CDH12: variants seen among roughly 807,000 people sequenced by gnomAD.
The protein encoded by CDH12 is cadherin-12.
In CDH12, 41 loss-of-function variants were observed where a neutral mutation model predicts 74.1. That is an observed-to-expected ratio of 0.55 (90% CI 0.43 to 0.72). CDH12 has a LOEUF of 0.72. Ranked by LOEUF, CDH12 falls within the 30% of genes least tolerant of loss-of-function variation. The pLI is 0.00. For missense variants in CDH12, 945 were observed against 977.2 expected (o/e 0.97, Z 0.44); for synonymous variants, 399 against 355.0 (o/e 1.12, Z -1.39).
chr5:22,485,539 A>C (rs1746557692), intron 2 of CDH12, among the ~76,000 whole-genome samples: 1 of 152,216 alleles, frequency 6.6e-6, no homozygotes, highest in Non-Finnish European at 1.5e-5. Context: ...TCCCCTGGCC[A>C]ACATAAAGTT....
chr5:22,833,749 A>G (rs1476823467), intron 1 of CDH12, among the ~76,000 whole-genome samples: 1 of 152,234 alleles, frequency 6.6e-6, no homozygotes, highest in African/African-American at 2.4e-5. Flanking sequence ...AATGTATAAT[A>G]TTGTAACAGT....
intron 8 of CDH12, among the ~76,000 whole-genome samples, chr5:21,832,394 G>A (rs1267821575): frequency 2.0e-5 from 3 of 151,940 alleles, no homozygotes; most frequent in South Asian, 2.1e-4. Context: ...AGCCTATATA[G>A]AGCCTAGTAA....
At chr5:21,833,447 AT>A (rs1489255809) in intron 8 of CDH12, among the ~76,000 whole-genome samples, 1 of 93,360 alleles carries the variant, frequency 1.1e-5, no homozygotes, top group Non-Finnish European at 2.0e-5. Flanking sequence ...TACATATATT[AT>A]TAATATATGA....
chr5:22,237,170 C>T (rs763621822), intron 3 of CDH12, among the ~76,000 whole-genome samples: 4 of 152,080 alleles, frequency 2.6e-5, no homozygotes, highest in South Asian at 2.1e-4. Flanking sequence ...CATGTGCACA[C>T]TACAACATTC....
At chr5:22,196,250 T>C (rs2150350692) in intron 4 of CDH12, among the ~76,000 whole-genome samples, 1 of 151,784 alleles carries the variant, frequency 6.6e-6, no homozygotes, top group Middle Eastern at 3.4e-3. Flanking sequence ...GTTTAGGCGA[T>C]TCTCTTGCCT....
rs113645219 is a variant in CDH12, at chr5:22,756,548, C to A, written c.-523+96510G>T. ...TTTTGTTATCCAAATCACAATTTACCCTCATTATCAAATTTCTAACTCTAA... is the reference window on the plus strand; with the variant it reads ...TTTTGTTATCCAAATCACAATTTACACTCATTATCAAATTTCTAACTCTAA... On this transcript the variant is annotated intron_variant, in intron 1 of 14. Transcript: ENST00000382254. 6.2e-3 allele frequency among the ~76,000 whole-genome samples: 943 copies of A among 151,774 alleles called. 7 individuals carry two copies. Among genetic ancestry groups the A allele is most frequent in the Middle Eastern group, 0.028 (8 of 290 alleles).
At chr5:22,843,732 TTTTC>T (rs1737179216) in intron 1 of CDH12, among the ~76,000 whole-genome samples, 1 of 151,948 alleles carries the variant, frequency 6.6e-6, no homozygotes. Flanking sequence ...TTCCAGTGCA[TTTTC>T]TTTATTTTCT....
intron 2 of CDH12, among the ~76,000 whole-genome samples, chr5:22,420,363 A>G (rs1419740168): frequency 5.3e-5 from 8 of 152,198 alleles, no homozygotes; most frequent in African/African-American, 1.7e-4. Flanking sequence ...AGGAGTAAAG[A>G]AGGGGTCCAG....
chr5:22,386,418 G>GTTTT (rs1742004963), intron 3 of CDH12, among the ~76,000 whole-genome samples: 1 of 152,092 alleles, frequency 6.6e-6, no homozygotes, highest in Non-Finnish European at 1.5e-5. Flanking sequence ...TTTCTACTAA[G>GTTTT]ACATCCTGGT....
chr5:22,787,363 C>A (rs1293060630), intron 1 of CDH12, among the ~76,000 whole-genome samples: 1 of 152,118 alleles, frequency 6.6e-6, no homozygotes, highest in Admixed American at 6.5e-5. Context: ...TAATGTGACT[C>A]TATTCCAATT....
chr5:22,271,390 T>C (rs1209142325), intron 3 of CDH12, among the ~76,000 whole-genome samples: 1 of 152,212 alleles, frequency 6.6e-6, no homozygotes, highest in East Asian at 1.9e-4. Context: ...TGTCATCACG[T>C]CTGCAGTTAC....
intron 1 of CDH12, among the ~76,000 whole-genome samples, chr5:22,730,661 C>A (rs1744387189): frequency 6.6e-6 from 1 of 151,690 alleles, no homozygotes; most frequent in African/African-American, 2.4e-5. Flanking sequence ...CTGTTCAAAT[C>A]CTTTGTTCAC....
chr5:22,360,500 A>G (rs189038606), intron 3 of CDH12, among the ~76,000 whole-genome samples: 1 of 152,354 alleles, frequency 6.6e-6, no homozygotes, highest in East Asian at 1.9e-4. Flanking sequence ...TACCAGGGGT[A>G]CAAGGAGGAG....
intron 1 of CDH12, among the ~76,000 whole-genome samples, chr5:22,659,516 T>A (rs1383023278): frequency 6.6e-6 from 1 of 152,152 alleles, no homozygotes; most frequent in African/African-American, 2.4e-5. Flanking sequence ...ATCAAAGTCA[T>A]ACCTATGTAC....
At chr5:22,371,392 T>G (rs1025871881) in intron 3 of CDH12, among the ~76,000 whole-genome samples, 11 of 152,166 alleles carry the variant, frequency 7.2e-5, no homozygotes, top group Admixed American at 5.2e-4. Flanking sequence ...TACAGTTGAA[T>G]CATAATTTAA....
intron 1 of CDH12, among the ~76,000 whole-genome samples, chr5:22,802,284 G>T (rs995514413): frequency 6.6e-5 from 10 of 151,672 alleles, no homozygotes; most frequent in Non-Finnish European, 1.3e-4. Context: ...ACCACACCCG[G>T]CTATTTTTTG....
At chr5:22,091,264 T>A (rs914046994) in intron 4 of CDH12, among the ~76,000 whole-genome samples, 5 of 148,850 alleles carry the variant, frequency 3.4e-5, no homozygotes, top group African/African-American at 1.2e-4. Flanking sequence ...GTTTAAGATA[T>A]TTGTGTGTGT....
At chr5:22,039,322 T>A (rs1207819174) in intron 5 of CDH12, among the ~76,000 whole-genome samples, 1 of 152,196 alleles carries the variant, frequency 6.6e-6, no homozygotes, top group Non-Finnish European at 1.5e-5. Context: ...AGCTATAATC[T>A]ATACTCCTGA....
intron 1 of CDH12, among the ~76,000 whole-genome samples, chr5:22,802,184 C>T (rs931625436): frequency 4.0e-5 from 6 of 148,236 alleles, no homozygotes; most frequent in South Asian, 2.1e-4. Flanking sequence ...TGCAGTGGCA[C>T]GATCCAGGCT....
Sources: allele counts gnomAD v4.1 joint callset (sites outside exome capture counted in the v4.1 genomes callset), GRCh38; gene constraint gnomAD v4.1.1; transcripts MANE v1.5; gene names NCBI Gene and HGNC (gene_info 2026-07-23, HGNC 2026-07-21).